The following ATG7 variants were observed in gnomAD, a reference collection of about 807,000 sequenced individuals.
The protein encoded by ATG7 is ubiquitin-like modifier-activating enzyme ATG7.
ATG7 carries 70 observed loss-of-function variants against 82.4 expected under a neutral mutation model. The observed-to-expected ratio is 0.85, with a 90% CI of 0.70 to 1.04. ATG7 has a LOEUF of 1.04. Among genes scored for constraint, ATG7 ranks in the 50% least tolerant of loss-of-function variants. ATG7 has a pLI of 0.00. For synonymous variants in ATG7, 287 were observed against 313.0 expected (o/e 0.92, Z 0.88); for missense variants, 792 against 864.3 (o/e 0.92, Z 1.05).
At chr3:11,558,499 T>G (rs1254669982), downstream of ATG7, 3 of 1,186,416 alleles carry the variant, frequency 2.5e-6, no homozygotes, top group Non-Finnish European at 3.4e-6. Context: ...AAGTACTGAC[T>G]GTTCAAAGCT....
At chr3:11,374,984 C>T (rs1266259106) in intron 18 of ATG7, among the ~76,000 whole-genome samples, 1 of 148,496 alleles carries the variant, frequency 6.7e-6, no homozygotes, top group Non-Finnish European at 1.5e-5. Context: ...GGGAGGATCG[C>T]TTGAGCCCTG....
intron 18 of ATG7, 109 bp from the exon 19 acceptor site, chr3:11,379,863 G>A: frequency 9.5e-6 from 10 of 1,052,796 alleles, no homozygotes; most frequent in East Asian, 4.8e-5. Context: ...ATCTCTTTCC[G>A]GGCCGCCATA....
chr3:11,321,056 T>A (rs1950147468), intron 9 of ATG7, among the ~76,000 whole-genome samples: 1 of 152,184 alleles, frequency 6.6e-6, no homozygotes, highest in Non-Finnish European at 1.5e-5. Flanking sequence ...GTTCTTAATT[T>A]GGAGTAGGGT....
In ATG7 at chr3:11,407,844, C is replaced by T. The variant is rs188373173; in HGVS notation, c.1957-18960C>T. On this transcript the variant is annotated intron_variant, in intron 19 of 20. Coordinates refer to ENST00000693202, the MANE Select transcript of ATG7 (RefSeq NM_001349232.2). ...ACAGCACAGGGACCCTGGGCTCAGC[C>T]CTTGAAACCATTTTTTCCTCCTAGG... Among the ~76,000 whole-genome samples, 173 of 152,258 alleles carry T rather than the reference C, an allele frequency of 1.1e-3. 1 individual carries two copies. Among genetic ancestry groups the T allele is most frequent in the Non-Finnish European group, 2.1e-3 (143 of 68,012 alleles).
downstream of ATG7, chr3:11,558,415 CCAA>C: frequency 5.2e-6 from 7 of 1,346,042 alleles, no homozygotes; most frequent in South Asian, 6.1e-5. Flanking sequence ...AACACAAATC[CCAA>C]CAACATGGTT....
intron 20 of ATG7, chr3:11,488,612 G>A (rs1373250397): frequency 3.4e-5 from 15 of 441,234 alleles, no homozygotes; most frequent in South Asian, 2.1e-4. Context: ...ACCCCAGCCC[G>A]CGGGCCTTCG....
chr3:11,313,276 A>C, intron 7 of ATG7, 28 bp from the exon 8 acceptor site: 1 of 1,470,594 alleles, frequency 6.8e-7, no homozygotes, highest in Non-Finnish European at 9.4e-7. Flanking sequence ...GTGCTATTCT[A>C]ATAACTTATT....
chr3:11,332,236 G>C (rs57089435), intron 10 of ATG7, among the ~76,000 whole-genome samples: 2,160 of 152,238 alleles, frequency 0.014, 50 homozygotes, highest in African/African-American at 0.049. Flanking sequence ...GATCAGCATG[G>C]CTGAATTTTA....
chr3:11,298,605 A>G lies in ATG7; in HGVS notation c.-10-81A>G, dbSNP rs1486487682. 2.2e-6 allele frequency: 3 copies of G among 1,388,132 alleles called. No individual in the cohort carries two copies. In the African/African-American group the frequency reaches 4.3e-5, roughly 20 times the overall value. The allele number at this position is 1,388,132 out of a possible 1,614,324, so 86.0% of individuals were successfully genotyped here. Reference sequence around the variant, plus strand: ...TCATTACTTTTTGTTTGTTTGAATTAAACTTTATTACAAATGTTCTTTCTC... The same window carrying G: ...TCATTACTTTTTGTTTGTTTGAATTGAACTTTATTACAAATGTTCTTTCTC... On this transcript the variant is annotated intron_variant, in intron 3 of 20. Coordinates refer to ENST00000693202, the MANE Select transcript of ATG7 (RefSeq NM_001349232.2).
At chr3:11,436,764 G>A (rs1229149310) in intron 20 of ATG7, among the ~76,000 whole-genome samples, 1 of 152,152 alleles carries the variant, frequency 6.6e-6, no homozygotes, top group African/African-American at 2.4e-5. Flanking sequence ...GTTATAGTAT[G>A]GATGAACATT....
chr3:11,409,468 G>A (rs960953457), intron 19 of ATG7, among the ~76,000 whole-genome samples: 1 of 152,202 alleles, frequency 6.6e-6, no homozygotes, highest in Admixed American at 6.5e-5. Flanking sequence ...ACACGTTTAA[G>A]GGAGGCTAGG....
chr3:11,300,944 TA>T (rs1255923426), intron 5 of ATG7, among the ~76,000 whole-genome samples: 1 of 152,194 alleles, frequency 6.6e-6, no homozygotes, highest in Non-Finnish European at 1.5e-5. Context: ...TGATTTATGA[TA>T]TTTTTTTCAA....
chr3:11,455,944 C>T (rs2085666398), intron 20 of ATG7, among the ~76,000 whole-genome samples: 2 of 152,208 alleles, frequency 1.3e-5, no homozygotes, highest in African/African-American at 2.4e-5. Flanking sequence ...ACCCCGATGG[C>T]ATTGTCTATA....
intron 19 of ATG7, among the ~76,000 whole-genome samples, chr3:11,390,118 T>C (rs1295298398): frequency 6.6e-6 from 1 of 152,250 alleles, no homozygotes; most frequent in African/African-American, 2.4e-5. Flanking sequence ...GAATGTGAGC[T>C]CAACATCGCT....
intron 20 of ATG7, among the ~76,000 whole-genome samples, chr3:11,483,495 A>C (rs904686983): frequency 2.6e-5 from 4 of 152,148 alleles, no homozygotes; most frequent in Admixed American, 2.6e-4. Flanking sequence ...TTTGAAGAGG[A>C]GTAACCACTG....
At chr3:11,552,941 AGCCCAGCCCCG>A (rs2071952019) in intron 20 of ATG7, among the ~76,000 whole-genome samples, 1 of 152,078 alleles carries the variant, frequency 6.6e-6, no homozygotes, top group Admixed American at 6.5e-5. Flanking sequence ...TTTCCTATAA[AGCCCAGCCCCG>A]GCCCAGGCCC....
At chr3:11,532,141 G>T (rs9860504) in intron 20 of ATG7, among the ~76,000 whole-genome samples, 23,405 of 152,138 alleles carry the variant, frequency 0.15, 1,978 homozygotes, top group Middle Eastern at 0.24. Context: ...TGCCCCCAAG[G>T]TTCCTAAGAG....
At chr3:11,351,227 G>A (rs2075521075) in intron 14 of ATG7, among the ~76,000 whole-genome samples, 1 of 152,118 alleles carries the variant, frequency 6.6e-6, no homozygotes, top group Admixed American at 6.5e-5. Context: ...GTCTAGTGGG[G>A]GATGGTCATT....
At chr3:11,545,532 C>CT (rs1271821971) in intron 20 of ATG7, among the ~76,000 whole-genome samples, 1 of 152,146 alleles carries the variant, frequency 6.6e-6, no homozygotes, top group Non-Finnish European at 1.5e-5. Flanking sequence ...GCCAGGCCAC[C>CT]TCCCTGTCTC....
Sources: gnomAD v4.1 joint callset for allele counts (sites outside exome capture counted in the v4.1 genomes callset) on GRCh38, gnomAD v4.1.1 for gene constraint, MANE v1.5 for transcripts, NCBI Gene and HGNC (gene_info 2026-07-23, HGNC 2026-07-21) for gene names.